The following DLG2 variants were observed in gnomAD, a reference collection of about 807,000 sequenced individuals.
The protein encoded by DLG2 is discs large MAGUK scaffold protein 2.
A neutral mutation model predicts 132.5 loss-of-function variants in DLG2; 45 were observed. The ratio of observed to expected loss-of-function variants is 0.34; its 90% CI spans 0.27 to 0.44. The LOEUF (loss-of-function observed/expected upper bound fraction) is 0.44. Among genes scored for constraint, DLG2 ranks in the 20% least tolerant of loss-of-function variants. The pLI, the probability that DLG2 is intolerant of heterozygous loss-of-function variation, is 1.00. For synonymous variants in DLG2, 424 were observed against 419.6 expected (o/e 1.01, Z -0.13); for missense variants, 1,045 against 1,196.9 (o/e 0.87, Z 1.87).
chr11:83,660,234 A>C (rs1009360323), intron 18 of DLG2, among the ~76,000 whole-genome samples: 4 of 152,218 alleles, frequency 2.6e-5, no homozygotes, highest in African/African-American at 9.7e-5. Flanking sequence ...GGAAGAATAC[A>C]CAGAAACAAT....
chr11:84,381,356 A>G (rs1010736195), intron 7 of DLG2, among the ~76,000 whole-genome samples: 1 of 152,082 alleles, frequency 6.6e-6, no homozygotes, highest in African/African-American at 2.4e-5. Context: ...AAAGAGGTAC[A>G]CTCACCAGTT....
At chr11:83,599,392 C>T (rs2058150927) in intron 19 of DLG2, among the ~76,000 whole-genome samples, 1 of 152,184 alleles carries the variant, frequency 6.6e-6, no homozygotes. Flanking sequence ...GCTTATCCAG[C>T]TTCCTCTGAT....
chr11:83,570,090 A>C (rs2096773793), intron 19 of DLG2, among the ~76,000 whole-genome samples: 1 of 152,222 alleles, frequency 6.6e-6, no homozygotes, highest in Non-Finnish European at 1.5e-5. Flanking sequence ...TATCTACTTC[A>C]TATCCAGTTG....
chr11:84,207,706 A>T (rs2096691184), intron 8 of DLG2, among the ~76,000 whole-genome samples: 1 of 152,158 alleles, frequency 6.6e-6, no homozygotes, highest in Non-Finnish European at 1.5e-5. Flanking sequence ...ACATTTTTAA[A>T]ATTCTTTGTG....
At chr11:83,506,390 T>C (rs2094700150) in intron 21 of DLG2, among the ~76,000 whole-genome samples, 1 of 152,208 alleles carries the variant, frequency 6.6e-6, no homozygotes, top group African/African-American at 2.4e-5. Flanking sequence ...CCATGCCTGT[T>C]CTCCAGATTT....
chr11:84,704,513 T>C (rs1230857629), intron 6 of DLG2, among the ~76,000 whole-genome samples: 1 of 151,376 alleles, frequency 6.6e-6, no homozygotes, highest in Admixed American at 6.6e-5. Context: ...ATACAACAAA[T>C]ATTAATAAGC....
chr11:85,359,004 T>C (rs1318373469), intron 3 of DLG2, among the ~76,000 whole-genome samples: 3 of 152,188 alleles, frequency 2.0e-5, no homozygotes, highest in Non-Finnish European at 4.4e-5. Context: ...TTTGTTAATA[T>C]AAGAACCAAA....
intron 3 of DLG2, among the ~76,000 whole-genome samples, chr11:85,421,779 T>C (rs1448809352): frequency 6.6e-6 from 1 of 152,152 alleles, no homozygotes; most frequent in Non-Finnish European, 1.5e-5. Flanking sequence ...GTTTTCTTGG[T>C]CCTCTGAGAT....
chr11:85,231,347 A>G (rs77731577), intron 4 of DLG2, among the ~76,000 whole-genome samples: 117 of 152,064 alleles, frequency 7.7e-4, no homozygotes, highest in African/African-American at 2.6e-3. Flanking sequence ...AAGCCCATTC[A>G]GTTAACTTTT....
At chr11:84,802,951 C>G (rs1337670298) in intron 6 of DLG2, among the ~76,000 whole-genome samples, 2 of 152,080 alleles carry the variant, frequency 1.3e-5, no homozygotes, top group Non-Finnish European at 2.9e-5. Context: ...AGGCACGTAC[C>G]ACCACACCTG....
chr11:84,054,194 T>G (rs1467779958), intron 11 of DLG2, among the ~76,000 whole-genome samples: 1 of 152,116 alleles, frequency 6.6e-6, no homozygotes, highest in Non-Finnish European at 1.5e-5. Flanking sequence ...TAATTTCTCC[T>G]GTAGCTTTAG....
intron 9 of DLG2, among the ~76,000 whole-genome samples, chr11:84,112,322 CTTTTTTTTTTTTTTT>C (rs60021668): frequency 0.1 from 12,398 of 119,324 alleles, 740 homozygotes; most frequent in African/African-American, 0.18. Flanking sequence ...TTTACTTTTC[CTTTTTTTTTTTTTTT>C]TTTTTTTTTT....
At chr11:83,914,100 C>G (rs1434339758) in intron 15 of DLG2, among the ~76,000 whole-genome samples, 1 of 152,122 alleles carries the variant, frequency 6.6e-6, no homozygotes, top group Non-Finnish European at 1.5e-5. Context: ...CTTTCTGAGA[C>G]TCATGTTGAA....
intron 4 of DLG2, among the ~76,000 whole-genome samples, chr11:85,271,363 G>A (rs775437955): frequency 9.8e-5 from 15 of 152,356 alleles, no homozygotes; most frequent in South Asian, 4.1e-4. Flanking sequence ...TTGCTGCAGC[G>A]GTGGGGCACT....
intron 17 of DLG2, among the ~76,000 whole-genome samples, chr11:83,789,538 AC>A (rs60766334): frequency 0.25 from 37,244 of 151,468 alleles, 5,321 homozygotes; most frequent in African/African-American, 0.39. Context: ...CCACCCCTAA[AC>A]AAACTGATGA....
intron 2 of DLG2, 93 bp from the exon 3 acceptor site, chr11:85,598,881 G>A (rs1012729599): frequency 2.5e-6 from 1 of 399,064 alleles, no homozygotes; most frequent in Non-Finnish European, 4.4e-6. Flanking sequence ...CTAACTTAAT[G>A]ACATGAAATA....
chr11:85,177,314 T>C (rs950274032), intron 4 of DLG2, among the ~76,000 whole-genome samples: 1 of 151,010 alleles, frequency 6.6e-6, no homozygotes, highest in African/African-American at 2.4e-5. Context: ...CACACATACA[T>C]ACATACCAGG....
chr11:84,644,754 C>G (rs1036428773), intron 6 of DLG2, among the ~76,000 whole-genome samples: 1 of 149,252 alleles, frequency 6.7e-6, no homozygotes, highest in Non-Finnish European at 1.5e-5. Flanking sequence ...ATTTTTTAAG[C>G]AGACCAAGAA....
intron 6 of DLG2, among the ~76,000 whole-genome samples, chr11:84,710,584 C>T (rs1365511518): frequency 1.3e-5 from 2 of 151,756 alleles, no homozygotes; most frequent in Non-Finnish European, 2.9e-5. Context: ...CCATATGATG[C>T]AGTGATATCA....
Sources: gnomAD v4.1 joint callset for allele counts (sites outside exome capture counted in the v4.1 genomes callset) on GRCh38, gnomAD v4.1.1 for gene constraint, MANE v1.5 for transcripts, NCBI Gene and HGNC (gene_info 2026-07-23, HGNC 2026-07-21) for gene names.